Variants in HAUS1 observed in about 807,000 individuals in gnomAD.
The protein encoded by HAUS1 is HAUS augmin-like complex subunit 1.
Under a neutral mutation model 38.6 loss-of-function variants are expected in HAUS1, and 25 were observed. That is an observed-to-expected ratio of 0.65 (90% CI 0.47 to 0.91). The LOEUF (loss-of-function observed/expected upper bound fraction) is 0.91. Ranked by LOEUF, HAUS1 falls within the 40% of genes least tolerant of loss-of-function variation. The probability of loss-of-function intolerance (pLI) is 0.00; values close to 1 mark genes in which losing one functional copy is unlikely to be tolerated. For synonymous variants in HAUS1, 109 were observed against 112.9 expected (o/e 0.97, Z 0.22); for missense variants, 325 against 328.4 (o/e 0.99, Z 0.08).
At chr18:46,109,226 A>G (rs1179659951) in intron 2 of HAUS1, among the ~76,000 whole-genome samples, 2 of 152,138 alleles carry the variant, frequency 1.3e-5, no homozygotes, top group African/African-American at 2.4e-5. Flanking sequence ...GACAGAGGGC[A>G]TGAAGCTGGA....
At chr18:46,121,764 T>A (rs184742571) in intron 4 of HAUS1, 28 of 152,318 alleles carry the variant, frequency 1.8e-4, no homozygotes, top group African/African-American at 6.7e-4. Context: ...TCAAGAATAA[T>A]TGGCTTACAT....
rs146749928 is a variant in HAUS1, at chr18:46,124,996, A to G, written c.738+103A>G. 1,342 of 650,290 alleles carry G rather than the reference A, an allele frequency of 2.1e-3. 13 individuals carry two copies. The African/African-American group carries it at 0.021, about 10-fold the overall frequency. 40.3% of individuals were successfully genotyped at this position (650,290 alleles called of 1,614,324 possible). A position where few individuals can be genotyped will look rare whatever the true frequency, so the allele number is the denominator to read the frequency against. On this transcript the variant is annotated intron_variant, in intron 7 of 8. Coordinates refer to ENST00000282058, the MANE Select transcript of HAUS1 (RefSeq NM_138443.4). Reference sequence around the variant, plus strand: ...GTGTTTAGGCCAGGCACGGTGGCTCACGCCTGTAATCCCAGCACTTTGGGA... The same window carrying G: ...GTGTTTAGGCCAGGCACGGTGGCTCGCGCCTGTAATCCCAGCACTTTGGGA...
At chr18:46,112,394 AAT>A (rs1188443046) in intron 2 of HAUS1, among the ~76,000 whole-genome samples, 2 of 82,502 alleles carry the variant, frequency 2.4e-5, no homozygotes, top group Admixed American at 1.8e-4. Context: ...TTATATATAT[AAT>A]ATATATAATG....
intron 2 of HAUS1, among the ~76,000 whole-genome samples, chr18:46,107,474 A>T (rs2144243855): frequency 6.6e-6 from 1 of 152,340 alleles, no homozygotes; most frequent in East Asian, 1.9e-4. Flanking sequence ...CACAATTTTT[A>T]TGTCTAGGTA....
chr18:46,111,812 C>G (rs1057083551), intron 2 of HAUS1, among the ~76,000 whole-genome samples: 2 of 151,774 alleles, frequency 1.3e-5, no homozygotes, highest in African/African-American at 2.4e-5. Flanking sequence ...TCTGGTACTT[C>G]CATTATGCGT....
chr18:46,128,184 G>T lies in HAUS1; in HGVS notation c.*59G>T. The T allele has an allele frequency of 1.9e-6, 2 of 1,073,762 alleles. No individual in the cohort carries two copies. Among genetic ancestry groups the T allele is most frequent in the Non-Finnish European group, 2.7e-6 (2 of 739,122 alleles). 66.5% of individuals were successfully genotyped at this position (1,073,762 alleles called of 1,614,324 possible). A position where few individuals can be genotyped will look rare whatever the true frequency, so the allele number is the denominator to read the frequency against. ...AGTAAATTGAATAGGACTTTACAGA[G>T]TTCTTTTTCCTCTTGGCATTTCCTA... is the stretch of plus-strand genomic sequence containing the variant. On this transcript the variant is annotated 3_prime_UTR_variant, in exon 9 of 9. Transcript: ENST00000282058.
At chr18:46,113,075 C>CATAT (rs112024762) in intron 2 of HAUS1, among the ~76,000 whole-genome samples, 3 of 123,446 alleles carry the variant, frequency 2.4e-5, no homozygotes, top group African/African-American at 9.7e-5. Context: ...ATATATATTC[C>CATAT]ATATATATAT....
At chr18:46,106,183 A>C (rs1034684252) in intron 2 of HAUS1, among the ~76,000 whole-genome samples, 1 of 152,198 alleles carries the variant, frequency 6.6e-6, no homozygotes, top group Non-Finnish European at 1.5e-5. Flanking sequence ...GAAAAAGTGC[A>C]TTCAAGGCCG....
At chr18:46,120,226 T>C (rs566993630) in intron 4 of HAUS1, among the ~76,000 whole-genome samples, 166 bp downstream of exon 4, 2 of 152,124 alleles carry the variant, frequency 1.3e-5, no homozygotes, top group Admixed American at 6.6e-5. Context: ...TGGTTGGATA[T>C]AGACTTTTCC....
chr18:46,122,719 G>A (rs1307354794), intron 5 of HAUS1, 129 bp downstream of exon 5: 5 of 966,958 alleles, frequency 5.2e-6, no homozygotes. Flanking sequence ...AGTTGCCCAA[G>A]ATTACATAGC....
Position 46,124,891 on chromosome 18 carries a change from C to G in HAUS1, c.736C>G (p.Pro246Ala). 1 of 1,547,260 alleles carries G rather than the reference C, an allele frequency of 6.5e-7. No homozygotes were observed. Among genetic ancestry groups the G allele is most frequent in the African/African-American group, 1.4e-5 (1 of 73,568 alleles). ...KKLESYLDLM[P>A]NPSLAQVKIE... ...ATTGGAGTCCTATTTAGACTTAATGCCGGTAATAATTTTCGCGAATTAAAA... is the reference window on the plus strand; with the variant it reads ...ATTGGAGTCCTATTTAGACTTAATGGCGGTAATAATTTTCGCGAATTAAAA... Residue 246 changes from proline to alanine, a missense_variant and splice_region_variant, in exon 7 of 9, where the codon CCG becomes GCG. Transcript: ENST00000282058.
In HAUS1 at chr18:46,112,947, T is replaced by TGG. The variant is rs1382177367; in HGVS notation, c.206-5234_206-5233insGG. Among the ~76,000 whole-genome samples the TGG allele has an allele frequency of 3.6e-4, 37 of 103,066 alleles. 3 individuals are homozygous for TGG. Among genetic ancestry groups the TGG allele is most frequent in the African/African-American group, 1.5e-3 (37 of 24,592 alleles). 67.6% of individuals were successfully genotyped at this position (103,066 alleles called of 152,430 possible). On this transcript the variant is annotated intron_variant, in intron 2 of 8. Coordinates refer to ENST00000282058, the MANE Select transcript of HAUS1 (RefSeq NM_138443.4). ...GTGTATATATTCCATATAATATATA[T>TGG]AATATATATAATATGTATATATTCC...
intron 7 of HAUS1, 38 bp from the exon 8 acceptor site, chr18:46,125,706 G>A (rs978568315): frequency 1.4e-6 from 2 of 1,392,374 alleles, no homozygotes; most frequent in African/African-American, 1.4e-5. Flanking sequence ...TCTGAATTGA[G>A]GCAATATAAC....
chr18:46,114,856 T>C (rs765152783), intron 2 of HAUS1, among the ~76,000 whole-genome samples: 1 of 152,190 alleles, frequency 6.6e-6, no homozygotes, highest in African/African-American at 2.4e-5. Context: ...TGAGTTTTTA[T>C]AGATTTTATT....
At position 46,127,286 on chromosome 18, in the gene HAUS1, T is replaced by C. The variant is rs545231091; in HGVS notation, c.787-789T>C. On this transcript the variant is annotated intron_variant, in intron 8 of 8. Transcript: ENST00000282058. Reference sequence around the variant, plus strand: ...CGTGCCTGGCCAAAGCTATACTTTTTGATCAGGTTAGTGCTTCAGAAGATT... The same window carrying C: ...CGTGCCTGGCCAAAGCTATACTTTTCGATCAGGTTAGTGCTTCAGAAGATT... Among the ~76,000 whole-genome samples the C allele has an allele frequency of 2.0e-5, 3 of 152,212 alleles. No homozygotes were observed. The East Asian group carries it at 5.8e-4, about 29-fold the overall frequency.
chr18:46,122,094 G>A (rs1335994306), intron 4 of HAUS1, among the ~76,000 whole-genome samples: 4 of 152,120 alleles, frequency 2.6e-5, no homozygotes, highest in African/African-American at 9.7e-5. Context: ...TGCCCACCTT[G>A]GCCTCCCAAA....
intron 2 of HAUS1, chr18:46,106,592 G>A (rs1911489399): frequency 6.6e-6 from 1 of 152,258 alleles, no homozygotes; most frequent in Admixed American, 6.5e-5. Flanking sequence ...AAGAGAGGAA[G>A]TGAGGCCTGC....
chr18:46,117,188 G>A (rs1007229978), intron 2 of HAUS1, among the ~76,000 whole-genome samples: 1 of 152,054 alleles, frequency 6.6e-6, no homozygotes, highest in Non-Finnish European at 1.5e-5. Context: ...TTACACCCAA[G>A]AGAAATGAAA....
intron 2 of HAUS1, among the ~76,000 whole-genome samples, chr18:46,108,271 C>CTTTTTTTTTT (rs1166729740): frequency 8.7e-6 from 1 of 115,214 alleles, no homozygotes; most frequent in African/African-American, 3.3e-5. Flanking sequence ...GAATTTACTT[C>CTTTTTTTTTT]TTTTTTTTTT....
Sources: allele counts gnomAD v4.1 joint callset (sites outside exome capture counted in the v4.1 genomes callset), GRCh38; gene constraint gnomAD v4.1.1; transcripts MANE v1.5; gene names NCBI Gene and HGNC (gene_info 2026-07-23, HGNC 2026-07-21).